Variants in MAPDA observed in about 807,000 individuals in gnomAD.
The protein encoded by MAPDA is N6-Methyl-AMP deaminase.
At chr15:43,340,410 C>G in the MAPDA span, 3 of 1,435,580 alleles carry the variant, frequency 2.1e-6, no homozygotes, top group African/African-American at 4.3e-5. Context: ...TTTGATCACT[C>G]ACATGTTTGT....
chr15:43,344,763 G>T, the MAPDA span, among the ~76,000 whole-genome samples: 1 of 146,528 alleles, frequency 6.8e-6, no homozygotes, highest in Non-Finnish European at 1.5e-5. Flanking sequence ...CTGAGATCGT[G>T]CCATTTCACT....
chr15:43,340,391 C>G, the MAPDA span: 3 of 1,545,534 alleles, frequency 1.9e-6, no homozygotes, highest in Non-Finnish European at 2.7e-6. Context: ...CTGTCCTTTT[C>G]CTATGTGCTT....
the MAPDA span, chr15:43,354,392 C>CA: frequency 6.6e-6 from 1 of 152,046 alleles, no homozygotes; most frequent in East Asian, 1.9e-4. Context: ...GTAAAAACAT[C>CA]AAAGTTTATT....
At chr15:43,347,327 G>A in the MAPDA span, among the ~76,000 whole-genome samples, 1 of 152,092 alleles carries the variant, frequency 6.6e-6, no homozygotes, top group Non-Finnish European at 1.5e-5. Context: ...TGCCAGCTGT[G>A]TCATTAAAAG....
chr15:43,353,341 T>G, the MAPDA span: 1 of 152,204 alleles, frequency 6.6e-6, no homozygotes, highest in African/African-American at 2.4e-5. Flanking sequence ...TTGAATTGCT[T>G]TGCTCTTTAG....
the MAPDA span, chr15:43,335,814 G>C: frequency 5.0e-6 from 8 of 1,613,186 alleles, no homozygotes; most frequent in Non-Finnish European, 6.8e-6. Context: ...GGAAAGAAAA[G>C]AACTTTGGAA....
chr15:43,354,007 T>C, the MAPDA span: 2 of 152,054 alleles, frequency 1.3e-5, no homozygotes, highest in African/African-American at 4.8e-5. Context: ...CCACCTGGGG[T>C]TTGAACTTGG....
chr15:43,332,640 A>G, the MAPDA span, among the ~76,000 whole-genome samples: 2 of 152,218 alleles, frequency 1.3e-5, no homozygotes, highest in Non-Finnish European at 2.9e-5. Flanking sequence ...GGGGATAATA[A>G]TATCTCAGGG....
At chr15:43,343,121 G>A in the MAPDA span, 1 of 1,357,856 alleles carries the variant, frequency 7.4e-7, no homozygotes, top group Non-Finnish European at 1.0e-6. Flanking sequence ...AAACCAGAAT[G>A]TGAATTTTTA....
the MAPDA span, chr15:43,334,966 C>T: frequency 6.1e-6 from 4 of 656,244 alleles, no homozygotes; most frequent in Non-Finnish European, 7.7e-6. Context: ...CCCAGATCTA[C>T]ACATACAGCT....
the MAPDA span, chr15:43,332,260 G>T: frequency 6.6e-6 from 1 of 152,100 alleles, no homozygotes; most frequent in African/African-American, 2.4e-5. Flanking sequence ...AGCAGTTTGA[G>T]AATTGCTTCT....
the MAPDA span, chr15:43,340,136 A>C: frequency 2.6e-6 from 2 of 774,082 alleles, no homozygotes; most frequent in East Asian, 2.7e-5. Flanking sequence ...AATCTCTACC[A>C]CGTGAGAAAC....
At chr15:43,351,256 G>C in the MAPDA span, 1 of 501,826 alleles carries the variant, frequency 2.0e-6, no homozygotes. Context: ...AACCCAGGAG[G>C]AGGAGGTTGC....
the MAPDA span, chr15:43,351,245 G>A: frequency 2.0e-5 from 10 of 508,970 alleles, 1 homozygote; most frequent in South Asian, 1.4e-4. Context: ...AGAATCACTT[G>A]AACCCAGGAG....
At chr15:43,343,694 C>G in the MAPDA span, among the ~76,000 whole-genome samples, 2 of 151,980 alleles carry the variant, frequency 1.3e-5, no homozygotes, top group East Asian at 3.9e-4. Context: ...ATATGCCCAC[C>G]CACTAGGGTG....
At chr15:43,354,264 G>C in the MAPDA span, 1 of 152,196 alleles carries the variant, frequency 6.6e-6, no homozygotes, top group Admixed American at 6.5e-5. Context: ...TAAGGAACAG[G>C]GGAGAGGGAA....
the MAPDA span, among the ~76,000 whole-genome samples, chr15:43,344,207 G>C: frequency 5.3e-5 from 8 of 152,090 alleles, no homozygotes; most frequent in Non-Finnish European, 1.2e-4. Flanking sequence ...CCAGGAAATA[G>C]ATTGATTTAT....
the MAPDA span, among the ~76,000 whole-genome samples, chr15:43,337,043 C>T: frequency 4.0e-5 from 6 of 151,048 alleles, no homozygotes; most frequent in African/African-American, 1.2e-4. Flanking sequence ...CCGAGGTGGG[C>T]GGATCACAAG....
At chr15:43,344,971 C>T in the MAPDA span, among the ~76,000 whole-genome samples, 1,538 of 152,152 alleles carry the variant, frequency 0.01, 29 homozygotes, top group African/African-American at 0.035. Flanking sequence ...GGATCTCACC[C>T]TCCTAAGAAC....
Sources: allele counts gnomAD v4.1 joint callset (sites outside exome capture counted in the v4.1 genomes callset), GRCh38; gene constraint gnomAD v4.1.1; transcripts MANE v1.5; gene names NCBI Gene and HGNC (gene_info 2026-07-23, HGNC 2026-07-21).